PAK5: variants seen among roughly 807,000 people sequenced by gnomAD.
PAK5 encodes serine/threonine-protein kinase PAK 5.
A neutral mutation model predicts 65.9 loss-of-function variants in PAK5; 16 were observed. That is an observed-to-expected ratio of 0.24 (90% CI 0.16 to 0.37). The LOEUF (loss-of-function observed/expected upper bound fraction) is 0.37. Among genes scored for constraint, PAK5 ranks in the 10% least tolerant of loss-of-function variants. The pLI is 1.00. For synonymous variants in PAK5, 371 were observed against 354.9 expected (o/e 1.05, Z -0.51); for missense variants, 785 against 903.9 (o/e 0.87, Z 1.69).
chr20:9,611,773 C>A (rs1396408573), intron 3 of PAK5, among the ~76,000 whole-genome samples: 2 of 152,110 alleles, frequency 1.3e-5, no homozygotes, highest in African/African-American at 2.4e-5. Context: ...AGTGTGAGAG[C>A]CCAACTCTGC....
At chr20:9,737,510 CA>C (rs1187603502) in intron 1 of PAK5, among the ~76,000 whole-genome samples, 1 of 151,934 alleles carries the variant, frequency 6.6e-6, no homozygotes, top group Non-Finnish European at 1.5e-5. Context: ...GACAGAACTA[CA>C]AGGAGAACTA....
At chr20:9,628,906 A>T (rs896250897) in intron 3 of PAK5, among the ~76,000 whole-genome samples, 1 of 152,152 alleles carries the variant, frequency 6.6e-6, no homozygotes, top group African/African-American at 2.4e-5. Context: ...TGGTGGGTAG[A>T]TGTCCCAACT....
intron 2 of PAK5, among the ~76,000 whole-genome samples, chr20:9,700,739 C>T (rs2047928913): frequency 6.6e-6 from 1 of 152,110 alleles, no homozygotes; most frequent in South Asian, 2.1e-4. Context: ...AATCCAATTG[C>T]CAGTGCAGAT....
intron 1 of PAK5, among the ~76,000 whole-genome samples, chr20:9,722,406 A>C (rs1203701382): frequency 6.6e-6 from 1 of 151,844 alleles, no homozygotes; most frequent in Non-Finnish European, 1.5e-5. Context: ...AGGTCAGGAG[A>C]TCGAGACCAT....
chr20:9,670,140 A>G (rs913386875), intron 2 of PAK5, among the ~76,000 whole-genome samples: 3 of 152,122 alleles, frequency 2.0e-5, no homozygotes, highest in Non-Finnish European at 4.4e-5. Flanking sequence ...CATGGTGTAT[A>G]TGTGCCACAT....
intron 7 of PAK5, among the ~76,000 whole-genome samples, chr20:9,547,752 T>G (rs1014338509): frequency 2.6e-5 from 4 of 152,168 alleles, no homozygotes; most frequent in African/African-American, 9.7e-5. Flanking sequence ...AGCATCATCT[T>G]CATCAATAGC....
At chr20:9,719,784 G>A (rs929358758) in intron 1 of PAK5, among the ~76,000 whole-genome samples, 1 of 152,108 alleles carries the variant, frequency 6.6e-6, no homozygotes, top group African/African-American at 2.4e-5. Context: ...ATAACAGGGT[G>A]TACTTCCTCT....
chr20:9,770,396 G>A (rs770676423), intron 1 of PAK5, among the ~76,000 whole-genome samples: 19 of 152,062 alleles, frequency 1.2e-4, no homozygotes, highest in Non-Finnish European at 2.1e-4. Context: ...GGTATAAAAT[G>A]GTTACCTAAA....
intron 2 of PAK5, among the ~76,000 whole-genome samples, chr20:9,683,714 C>CT (rs1048930505): frequency 6.6e-6 from 1 of 151,956 alleles, no homozygotes. Flanking sequence ...TGTTTGGTAC[C>CT]TTTTTTTGTT....
In PAK5 at chr20:9,538,300, A is replaced by T. The variant is rs1268526174; in HGVS notation, c.*1162T>A. On this transcript the variant is annotated 3_prime_UTR_variant, in exon 10 of 10. Coordinates refer to ENST00000353224, the MANE Select transcript of PAK5 (RefSeq NM_177990.4). ...TGGTAAAATACCCTCTTGCTAATTCATCCTCTAGAGTCAGTTCAGACTTCC... is the reference window on the plus strand; with the variant it reads ...TGGTAAAATACCCTCTTGCTAATTCTTCCTCTAGAGTCAGTTCAGACTTCC... 1.3e-5 allele frequency: 3 copies of T among 233,602 alleles called. No homozygotes were observed. Among genetic ancestry groups the T allele is most frequent in the Non-Finnish European group, 2.5e-5 (3 of 118,056 alleles). The allele number at this position is 233,602 out of a possible 1,614,324, so 14.5% of individuals were successfully genotyped here.
rs919266641 is a variant in PAK5 at position 9,538,217 on chromosome 20, G to A, written c.*1245C>T. The A allele has an allele frequency of 8.6e-6, 2 of 233,594 alleles. No individual in the cohort carries two copies. Among genetic ancestry groups the A allele is most frequent in the Admixed American group, 5.6e-5 (1 of 17,798 alleles). 14.5% of individuals were successfully genotyped at this position (233,594 alleles called of 1,614,324 possible). On this transcript the variant is annotated 3_prime_UTR_variant, in exon 10 of 10. Coordinates refer to ENST00000353224, the MANE Select transcript of PAK5 (RefSeq NM_177990.4). The stretch of plus-strand genomic sequence containing the variant: ...TTCAAGAAGATCTAGACAGCAGCAC[G>A]ACTCTCCTATGTCGGAAACACATTA...
rs934288413 is a variant in PAK5, at chr20:9,717,911, C to T, written c.-161-6476G>A. 3.3e-5 allele frequency among the ~76,000 whole-genome samples: 5 copies of T among 152,270 alleles called. No individual in the cohort carries two copies. In the East Asian group the frequency reaches 5.8e-4, roughly 18 times the overall value. On this transcript the variant is annotated intron_variant, in intron 1 of 9. Coordinates refer to ENST00000353224, the MANE Select transcript of PAK5 (RefSeq NM_177990.4). ...CTGGCATTACAGGTGTGAGCCACAG[C>T]GCTCGGCCGCCATTTTGTACTTCAT...
At chr20:9,798,005 T>C (rs6087027) in intron 1 of PAK5, among the ~76,000 whole-genome samples, 69,905 of 151,962 alleles carry the variant, frequency 0.46, 16,296 homozygotes, top group Admixed American at 0.52. Context: ...AAGGCTGTTC[T>C]GGAAAAGAAG....
At chr20:9,830,652 T>C (rs890053620) in intron 1 of PAK5, among the ~76,000 whole-genome samples, 12 of 152,182 alleles carry the variant, frequency 7.9e-5, no homozygotes, top group Admixed American at 2.6e-4. Context: ...AATGGGACCT[T>C]TCTTTCAAAA....
chr20:9,601,845 C>T (rs1434147836), intron 3 of PAK5, among the ~76,000 whole-genome samples: 1 of 152,110 alleles, frequency 6.6e-6, no homozygotes, highest in African/African-American at 2.4e-5. Context: ...AGACCTGAAC[C>T]CAACCTAAAA....
chr20:9,641,872 G>A (rs2047071229), intron 3 of PAK5, among the ~76,000 whole-genome samples: 1 of 152,296 alleles, frequency 6.6e-6, no homozygotes, highest in Middle Eastern at 3.4e-3. Context: ...AGGGCTGGCT[G>A]GGTGCTCCGA....
chr20:9,828,646 T>C (rs572486366), intron 1 of PAK5, among the ~76,000 whole-genome samples: 10 of 152,328 alleles, frequency 6.6e-5, no homozygotes, highest in African/African-American at 1.9e-4. Flanking sequence ...AAAATCATTA[T>C]TATACAAACA....
chr20:9,793,072 AT>A (rs1264455427), intron 1 of PAK5, among the ~76,000 whole-genome samples: 2 of 152,116 alleles, frequency 1.3e-5, no homozygotes, highest in East Asian at 3.9e-4. Context: ...CCAGGATGCC[AT>A]TTTTTTCCCA....
chr20:9,813,765 C>T (rs2049324936), intron 1 of PAK5, among the ~76,000 whole-genome samples: 2 of 152,246 alleles, frequency 1.3e-5, no homozygotes, highest in South Asian at 4.1e-4. Context: ...CAATTTTAAT[C>T]GATGCCGACA....
Sources: gnomAD v4.1 joint callset for allele counts (sites outside exome capture counted in the v4.1 genomes callset) on GRCh38, gnomAD v4.1.1 for gene constraint, MANE v1.5 for transcripts, NCBI Gene and HGNC (gene_info 2026-07-23, HGNC 2026-07-21) for gene names.